The following SPATS2 variants were observed in gnomAD, a reference collection of about 807,000 sequenced individuals.
SPATS2 encodes spermatogenesis-associated serine-rich protein 2.
A neutral mutation model predicts 63.7 loss-of-function variants in SPATS2; 38 were observed. The ratio of observed to expected loss-of-function variants is 0.60; its 90% confidence interval spans 0.46 to 0.78. SPATS2 has a LOEUF of 0.78. SPATS2 is among the 30% of genes least tolerant of loss of function. SPATS2 has a pLI of 0.00. For missense variants in SPATS2, 588 were observed against 666.2 expected (o/e 0.88, Z 1.29); for synonymous variants, 207 against 232.9 (o/e 0.89, Z 1.01).
chr12:49,426,620 T>A (rs1353702972), intron 2 of SPATS2, among the ~76,000 whole-genome samples: 2 of 152,198 alleles, frequency 1.3e-5, no homozygotes, highest in East Asian at 3.9e-4. Context: ...CTTGGCTCAC[T>A]GCAAGCTCCG....
chr12:49,453,856 CTTTTTTTTT>C (rs869155580), intron 2 of SPATS2, among the ~76,000 whole-genome samples: 3 of 76,196 alleles, frequency 3.9e-5, no homozygotes, highest in Non-Finnish European at 7.1e-5. Flanking sequence ...AAATAGCATT[CTTTTTTTTT>C]TTTTTTTTTT....
chr12:49,396,413 G>T (rs1038603380), intron 2 of SPATS2, among the ~76,000 whole-genome samples: 1 of 152,142 alleles, frequency 6.6e-6, no homozygotes, highest in Non-Finnish European at 1.5e-5. Context: ...CTCGTGGGAG[G>T]TTTGTTTCTC....
At chr12:49,440,149 G>T (rs1390026423) in intron 2 of SPATS2, among the ~76,000 whole-genome samples, 1 of 152,080 alleles carries the variant, frequency 6.6e-6, no homozygotes, top group Admixed American at 6.6e-5. Flanking sequence ...TGTTTTCTGA[G>T]CCATTTGAGA....
intron 2 of SPATS2, among the ~76,000 whole-genome samples, chr12:49,440,549 A>G (rs747496824): frequency 2.0e-5 from 3 of 151,654 alleles, no homozygotes; most frequent in Non-Finnish European, 4.4e-5. Context: ...GCTCACTGCA[A>G]CTTCCACCTC....
At chr12:49,484,706 C>T (rs1383964419) in intron 4 of SPATS2, 37 bp downstream of exon 4, 1 of 1,593,232 alleles carries the variant, frequency 6.3e-7, no homozygotes, top group African/African-American at 1.3e-5. Flanking sequence ...ACTTAAATGT[C>T]ATAGGAAAAT....
intron 3 of SPATS2, among the ~76,000 whole-genome samples, chr12:49,483,669 G>GT (rs1311354711): frequency 2.0e-5 from 3 of 152,098 alleles, no homozygotes; most frequent in Admixed American, 6.6e-5. Flanking sequence ...TATTACCGTG[G>GT]TTTTTTTGTA....
intron 4 of SPATS2, among the ~76,000 whole-genome samples, chr12:49,487,100 A>G (rs1484090187): frequency 6.6e-6 from 1 of 152,186 alleles, no homozygotes; most frequent in Non-Finnish European, 1.5e-5. Flanking sequence ...CTATGTTACT[A>G]ATGATAAAAC....
chr12:49,511,247 G>A (rs1946749214), intron 9 of SPATS2, among the ~76,000 whole-genome samples: 1 of 151,934 alleles, frequency 6.6e-6, no homozygotes, highest in Non-Finnish European at 1.5e-5. Flanking sequence ...TGTGAACATG[G>A]TAAGGAAGTC....
At chr12:49,377,676 G>A (rs926863645) in intron 2 of SPATS2, among the ~76,000 whole-genome samples, 67 of 152,214 alleles carry the variant, frequency 4.4e-4, no homozygotes, top group African/African-American at 1.5e-3. Flanking sequence ...AGTATTGATA[G>A]TATAGTTATA....
intron 2 of SPATS2, among the ~76,000 whole-genome samples, chr12:49,408,846 G>A (rs1156450413): frequency 3.9e-5 from 6 of 152,092 alleles, no homozygotes; most frequent in Admixed American, 6.5e-5. Flanking sequence ...TTGAGCCACC[G>A]CGCCTGGCCA....
intron 2 of SPATS2, among the ~76,000 whole-genome samples, chr12:49,386,131 G>A (rs1944314616): frequency 6.7e-6 from 1 of 148,494 alleles, no homozygotes; most frequent in Non-Finnish European, 1.5e-5. Flanking sequence ...GGCCCCCAAA[G>A]TGCTGGGATT....
chr12:49,394,507 A>G (rs997152362), intron 2 of SPATS2, among the ~76,000 whole-genome samples: 7 of 151,888 alleles, frequency 4.6e-5, no homozygotes, highest in African/African-American at 1.7e-4. Context: ...AACTCCTTTT[A>G]TTTAGGTCTT....
At chr12:49,374,544 C>G (rs551086922) in intron 2 of SPATS2, among the ~76,000 whole-genome samples, 11 of 152,240 alleles carry the variant, frequency 7.2e-5, no homozygotes, top group African/African-American at 2.6e-4. Flanking sequence ...AAATATATAC[C>G]ATCTTCTATA....
chr12:49,390,091 AAAG>A (rs756274557), intron 2 of SPATS2: 1 of 1,359,402 alleles, frequency 7.4e-7, no homozygotes, highest in Non-Finnish European at 1.0e-6. Flanking sequence ...GAACCTAAGG[AAAG>A]AAGATGTGTC....
At chr12:49,449,373 A>G (rs1370931927) in intron 2 of SPATS2, among the ~76,000 whole-genome samples, 1 of 151,902 alleles carries the variant, frequency 6.6e-6, no homozygotes, top group African/African-American at 2.4e-5. Flanking sequence ...GTGCCACCAC[A>G]CCCAGCTAAT....
intron 2 of SPATS2, among the ~76,000 whole-genome samples, chr12:49,451,387 T>G (rs957636532): frequency 1.3e-5 from 2 of 152,206 alleles, no homozygotes; most frequent in Non-Finnish European, 2.9e-5. Flanking sequence ...CTAATTTAAT[T>G]CTGTAATATA....
intron 3 of SPATS2, among the ~76,000 whole-genome samples, chr12:49,480,235 C>T (rs149551101): frequency 6.6e-6 from 1 of 152,008 alleles, no homozygotes; most frequent in East Asian, 1.9e-4. Context: ...TGGGCATAGG[C>T]TTTTCCATGA....
At chr12:49,484,019 G>A (rs1946249106) in intron 3 of SPATS2, among the ~76,000 whole-genome samples, 1 of 152,190 alleles carries the variant, frequency 6.6e-6, no homozygotes, top group African/African-American at 2.4e-5. Context: ...TGTAAGTACA[G>A]AGAAACCAGA....
At chr12:49,492,643 A>G (rs1482361143) in intron 6 of SPATS2, among the ~76,000 whole-genome samples, 1 of 152,210 alleles carries the variant, frequency 6.6e-6, no homozygotes, top group Non-Finnish European at 1.5e-5. Flanking sequence ...GGAGAAAGAA[A>G]TATGACTTCA....
Sources: allele counts gnomAD v4.1 joint callset (sites outside exome capture counted in the v4.1 genomes callset), GRCh38; gene constraint gnomAD v4.1.1; transcripts MANE v1.5; gene names NCBI Gene and HGNC (gene_info 2026-07-23, HGNC 2026-07-21).